Variants in CINP observed in about 807,000 individuals in gnomAD.
CINP encodes cyclin dependent kinase 2 interacting protein.
In CINP, 11 loss-of-function variants were observed where a neutral mutation model predicts 20.5. That is an observed-to-expected ratio of 0.54 (90% CI 0.34 to 0.89). CINP has a LOEUF of 0.89. Ranked by LOEUF, CINP falls within the 40% of genes least tolerant of loss-of-function variation. The probability of loss-of-function intolerance (pLI) is 0.02; values close to 1 mark genes in which losing one functional copy is unlikely to be tolerated. For missense variants in CINP, 213 were observed against 251.0 expected (o/e 0.85, Z 1.02); for synonymous variants, 108 against 102.1 (o/e 1.06, Z -0.35).
rs1886869682 is a variant in CINP at position 102,351,361 on chromosome 14, CA to C, written c.307-1314del. Among the ~76,000 whole-genome samples the C allele has an allele frequency of 6.6e-6, 1 of 152,118 alleles. No homozygotes were observed. On this transcript the variant is annotated intron_variant, in intron 3 of 4. Coordinates refer to ENST00000216756, the MANE Select transcript of CINP (RefSeq NM_032630.3). This position sits in a 1 kb window ranked among gnomAD's most constrained non-coding sequence, Gnocchi z 4.2. ...CAACCCCACTGCACACACCAGGCAG[CA>C]CAGAATAGGGGCAATGGCGGGCTTA... is the stretch of plus-strand genomic sequence containing the variant.
intron 2 of CINP, among the ~76,000 whole-genome samples, chr14:102,358,203 C>A (rs1423064213): frequency 6.6e-6 from 1 of 152,208 alleles, no homozygotes; most frequent in Non-Finnish European, 1.5e-5. Flanking sequence ...GAGATGGAAT[C>A]TATTCCTGGG....
At chr14:102,359,652 T>C in intron 1 of CINP, 65 bp from the exon 2 acceptor site, 3 of 1,235,854 alleles carry the variant, frequency 2.4e-6, no homozygotes, top group Non-Finnish European at 3.4e-6. Flanking sequence ...GGAGGGCAAA[T>C]GTCCTTATAA....
chr14:102,362,502 G>A, intron 1 of CINP: 2 of 699,592 alleles, frequency 2.9e-6, no homozygotes, highest in Non-Finnish European at 5.2e-6. Context: ...AGGAGTTTCT[G>A]GACGAGATGA....
rs978249800 is a variant in CINP at position 102,348,916 on chromosome 14, C to A, written c.437-157G>T. Among the ~76,000 whole-genome samples, 6 of 152,298 alleles carry A rather than the reference C, an allele frequency of 3.9e-5. No individual in the cohort carries two copies. In the South Asian group the frequency reaches 8.3e-4, roughly 21 times the overall value. On this transcript the variant is annotated intron_variant, in intron 4 of 4. Coordinates refer to ENST00000216756, the MANE Select transcript of CINP (RefSeq NM_032630.3). ...ATGGAGTTTACTACTCTAGCTGGTG[C>A]AGATTAGTACAATTTGATAACATGG...
At chr14:102,354,275 T>G (rs958407380) in intron 3 of CINP, among the ~76,000 whole-genome samples, 5 of 152,190 alleles carry the variant, frequency 3.3e-5, no homozygotes, top group African/African-American at 1.2e-4. Context: ...TTTAGTCTCT[T>G]ACGTGCTGTA....
intron 3 of CINP, among the ~76,000 whole-genome samples, chr14:102,354,060 C>T (rs1363720054): frequency 1.3e-5 from 2 of 152,204 alleles, no homozygotes; most frequent in African/African-American, 2.4e-5. Context: ...CTGCATTCCA[C>T]AGCGAGACCT....
intron 3 of CINP, chr14:102,352,308 C>A: frequency 3.7e-6 from 1 of 270,080 alleles, no homozygotes; most frequent in East Asian, 1.1e-4. Context: ...GGAGCCTTGA[C>A]CCCAGGCAAG....
At chr14:102,354,494 C>G (rs550289038) in intron 3 of CINP, among the ~76,000 whole-genome samples, 1 of 152,178 alleles carries the variant, frequency 6.6e-6, no homozygotes, top group Non-Finnish European at 1.5e-5. Context: ...TGGTGGCTCA[C>G]GCCTGTAATC....
chr14:102,356,136 C>T (rs1171377918), intron 2 of CINP, among the ~76,000 whole-genome samples: 1 of 152,090 alleles, frequency 6.6e-6, no homozygotes, highest in African/African-American at 2.4e-5. Context: ...ATGTGACAGC[C>T]GGTTTTGGTG....
chr14:102,352,025 C>T (rs1449479079), intron 3 of CINP, among the ~76,000 whole-genome samples: 1 of 152,278 alleles, frequency 6.6e-6, no homozygotes, highest in East Asian at 1.9e-4. Flanking sequence ...GCTGGGACTA[C>T]AGGCGCCCGC....
In CINP at chr14:102,355,392, G is replaced by A. The variant is rs867633758; in HGVS notation, c.306+376C>T. 7.2e-5 allele frequency: 12 copies of A among 166,116 alleles called. 1 individual carries two copies. Among genetic ancestry groups the A allele is most frequent in the Non-Finnish European group, 2.6e-5 (2 of 76,424 alleles). The allele number at this position is 166,116 out of a possible 1,614,324, so 10.3% of individuals were successfully genotyped here. On this transcript the variant is annotated intron_variant, in intron 3 of 4. Transcript: ENST00000216756. ...TAGCCAGGCATGGTGGCGGACGCCT[G>A]TAGTCCCAGCTACTCTGGAGGCTGA...
chr14:102,362,266 G>A (rs377366908), intron 1 of CINP, among the ~76,000 whole-genome samples: 1 of 152,314 alleles, frequency 6.6e-6, no homozygotes, highest in Admixed American at 6.5e-5. Context: ...AGTCATCAGC[G>A]TCACAGGACA....
chr14:102,353,358 G>A (rs1886916741), intron 3 of CINP, among the ~76,000 whole-genome samples: 1 of 152,138 alleles, frequency 6.6e-6, no homozygotes, highest in Admixed American at 6.6e-5. Flanking sequence ...TGCCCAGCCA[G>A]GTGATCAAGG....
chr14:102,361,024 A>C (rs986961229), intron 1 of CINP, among the ~76,000 whole-genome samples: 14 of 152,222 alleles, frequency 9.2e-5, no homozygotes, highest in South Asian at 8.3e-4. Context: ...CTTACTTTCC[A>C]AAGGGGAGGC....
chr14:102,362,828 G>C lies in CINP; in HGVS notation c.7+17C>G, dbSNP rs371106196. The C allele has an allele frequency of 1.8e-5, 29 of 1,613,936 alleles. No individual in the cohort carries two copies. The highest frequency in any genetic ancestry group is 2.2e-5 in the East Asian group (1 of 44,874). Reference sequence around the variant, plus strand: ...TCACAGCCACCCCACCCCGGGAAAGGAACCGATCTCACGCACCTTCCATAA... The same window carrying C: ...TCACAGCCACCCCACCCCGGGAAAGCAACCGATCTCACGCACCTTCCATAA... On this transcript the variant is annotated intron_variant, in intron 1 of 4. Coordinates refer to ENST00000216756, the MANE Select transcript of CINP (RefSeq NM_032630.3).
intron 3 of CINP, chr14:102,352,614 T>C: frequency 2.2e-6 from 1 of 444,874 alleles, no homozygotes; most frequent in South Asian, 1.6e-5. Flanking sequence ...CAACTTTTGG[T>C]TTTGAACATA....
intron 1 of CINP, 113 bp downstream of exon 1, chr14:102,362,732 C>A: frequency 7.1e-7 from 1 of 1,401,050 alleles, no homozygotes; most frequent in South Asian, 1.2e-5. Flanking sequence ...GACAGAGGAC[C>A]TCCATTTAAC....
At chr14:102,361,901 C>T (rs1222140029) in intron 1 of CINP, among the ~76,000 whole-genome samples, 1 of 152,174 alleles carries the variant, frequency 6.6e-6, no homozygotes, top group East Asian at 1.9e-4. Context: ...TTACGACTCA[C>T]CACTAGATAT....
intron 3 of CINP, among the ~76,000 whole-genome samples, chr14:102,354,693 G>A (rs1288046528): frequency 1.3e-5 from 2 of 152,040 alleles, no homozygotes; most frequent in Non-Finnish European, 1.5e-5. Flanking sequence ...GGAGGCGGAG[G>A]TTGCAGTGAG....
Sources: gnomAD v4.1 joint callset for allele counts (sites outside exome capture counted in the v4.1 genomes callset) on GRCh38, gnomAD v4.1.1 for gene constraint, Gnocchi (gnomAD v3.1) non-coding constraint, MANE v1.5 for transcripts, NCBI Gene and HGNC (gene_info 2026-07-23, HGNC 2026-07-21) for gene names.